The following DPP6 variants were observed in gnomAD, a reference collection of about 807,000 sequenced individuals.
The protein encoded by DPP6 is A-type potassium channel modulatory protein DPP6.
DPP6 carries 69 observed loss-of-function variants against 122.6 expected under a neutral mutation model. That is an observed-to-expected ratio of 0.56 (90% confidence interval 0.46 to 0.69). DPP6 has a LOEUF of 0.69. Among genes scored for constraint, DPP6 ranks in the 30% least tolerant of loss-of-function variants. The probability of loss-of-function intolerance (pLI) is 0.00; values close to 1 mark genes in which losing one functional copy is unlikely to be tolerated. For synonymous variants in DPP6, 418 were observed against 433.1 expected (o/e 0.97, Z 0.43); for missense variants, 928 against 1,116.9 (o/e 0.83, Z 2.41).
chr7:154,401,234 T>C (rs146997893), intron 1 of DPP6, among the ~76,000 whole-genome samples: 2 of 150,986 alleles, frequency 1.3e-5, no homozygotes, highest in Non-Finnish European at 2.9e-5. Context: ...AAAACAGGTA[T>C]TACTGGCTGC....
intron 25 of DPP6, 65 bp from the exon 26 acceptor site, chr7:154,892,269 T>C: frequency 1.2e-6 from 2 of 1,608,272 alleles, no homozygotes; most frequent in Non-Finnish European, 1.7e-6. Context: ...CCACACCTTC[T>C]GTGCGTTCCC....
At chr7:154,087,439 G>A (rs1307086734) in intron 1 of DPP6, among the ~76,000 whole-genome samples, 7 of 152,212 alleles carry the variant, frequency 4.6e-5, no homozygotes, top group Non-Finnish European at 8.8e-5. Flanking sequence ...CTGAATATGG[G>A]TTGGAGGGAG....
intron 1 of DPP6, among the ~76,000 whole-genome samples, chr7:154,407,284 C>G (rs1816197570): frequency 6.6e-6 from 1 of 152,184 alleles, no homozygotes; most frequent in Non-Finnish European, 1.5e-5. Context: ...ATGTATAACT[C>G]TTCTGCAGCT....
At chr7:154,701,940 TACAA>T (rs1840554123) in intron 7 of DPP6, among the ~76,000 whole-genome samples, 1 of 152,252 alleles carries the variant, frequency 6.6e-6, no homozygotes, top group South Asian at 2.1e-4. Context: ...TTGGGTTTTT[TACAA>T]ATTGAAGGTT....
At chr7:154,245,628 A>G (rs1252064414) in intron 1 of DPP6, among the ~76,000 whole-genome samples, 3 of 112,792 alleles carry the variant, frequency 2.7e-5, no homozygotes, top group Non-Finnish European at 5.5e-5. Flanking sequence ...CAAGAGTAAG[A>G]CTGTCTCAAA....
chr7:154,237,544 C>G (rs982712733), intron 1 of DPP6, among the ~76,000 whole-genome samples: 1 of 152,182 alleles, frequency 6.6e-6, no homozygotes, highest in South Asian at 2.1e-4. Flanking sequence ...GTTGACCTCA[C>G]CTGGGGTCTC....
Position 154,079,040 on chromosome 7 carries a change from C to T in DPP6, c.243+25977C>T, listed in dbSNP as rs145926253. On this transcript the variant is annotated intron_variant, in intron 1 of 25. Coordinates refer to ENST00000377770, the MANE Select transcript of DPP6 (RefSeq NM_130797.4). ...TTGGGAGGCCGAGGTGGGTGTATCA[C>T]GCGGTCAGGAGATGGAGACCATCCT... 6.8e-4 allele frequency among the ~76,000 whole-genome samples: 103 copies of T among 151,582 alleles called. 1 individual carries two copies. The East Asian group carries it at 0.015, about 22-fold the overall frequency.
At chr7:154,107,902 A>T (rs1289541909) in intron 1 of DPP6, among the ~76,000 whole-genome samples, 1 of 152,142 alleles carries the variant, frequency 6.6e-6, no homozygotes, top group Non-Finnish European at 1.5e-5. Context: ...CCTTCACAAA[A>T]CTGGGCTGTC....
the DPP6 span, among the ~76,000 whole-genome samples, chr7:153,762,788 AT>A: frequency 2.0e-5 from 3 of 152,058 alleles, no homozygotes; most frequent in Admixed American, 6.5e-5. Context: ...CTCAAAAAAA[AT>A]AATAATAAAA....
chr7:154,139,371 A>G (rs1159275575), intron 1 of DPP6, among the ~76,000 whole-genome samples: 1 of 124,494 alleles, frequency 8.0e-6, no homozygotes, highest in East Asian at 2.2e-4. Context: ...TCTGATGTCC[A>G]AGAGCAAGAG....
chr7:154,611,589 A>T (rs1202432414), intron 5 of DPP6, among the ~76,000 whole-genome samples: 1 of 152,110 alleles, frequency 6.6e-6, no homozygotes, highest in African/African-American at 2.4e-5. Context: ...CCAATAGAAG[A>T]TATCCTTGTT....
the DPP6 span, among the ~76,000 whole-genome samples, chr7:153,871,610 G>T: frequency 6.2e-3 from 944 of 152,286 alleles, 10 homozygotes; most frequent in East Asian, 0.026. Flanking sequence ...TGGGTGAGGC[G>T]ATGCCTTGCC....
chr7:154,031,632 C>G (rs1237489481), intron 1 of DPP6, among the ~76,000 whole-genome samples: 2 of 151,906 alleles, frequency 1.3e-5, no homozygotes, highest in Non-Finnish European at 2.9e-5. Flanking sequence ...GGCAGACACT[C>G]AAGCAACAGA....
chr7:154,558,372 C>G (rs1830191058), intron 4 of DPP6, among the ~76,000 whole-genome samples: 1 of 152,128 alleles, frequency 6.6e-6, no homozygotes, highest in Non-Finnish European at 1.5e-5. Context: ...TCCCAGAGCT[C>G]ATATATTGTC....
intron 11 of DPP6, among the ~76,000 whole-genome samples, chr7:154,794,814 G>GCCCCCCCCCCCCCCCCCCCCCCCCC (rs1554470046): frequency 6.7e-6 from 1 of 150,156 alleles, no homozygotes; most frequent in African/African-American, 2.5e-5. Flanking sequence ...CATGGGATGG[G>GCCCCCCCCCCCCCCCCCCCCCCCCC]CCCCCAGAAG....
At chr7:154,400,929 G>A (rs373374979) in intron 1 of DPP6, among the ~76,000 whole-genome samples, 2 of 152,084 alleles carry the variant, frequency 1.3e-5, no homozygotes, top group Admixed American at 1.3e-4. Flanking sequence ...CTGGCTGGGC[G>A]CAGTGGCTCA....
chr7:154,623,561 ACACGCACACACACACG>A (rs1045914984), intron 5 of DPP6, among the ~76,000 whole-genome samples: 3 of 118,596 alleles, frequency 2.5e-5, no homozygotes, highest in Non-Finnish European at 5.6e-5. Flanking sequence ...CACACACGCA[ACACGCACACACACACG>A]CACGCACACG....
chr7:153,838,320 A>C, the DPP6 span, among the ~76,000 whole-genome samples: 1 of 152,096 alleles, frequency 6.6e-6, no homozygotes, highest in Admixed American at 6.5e-5. Context: ...TGCCAAAGAG[A>C]GACAATTTCT....
At chr7:153,947,149 G>T (rs538139512) in intron 1 of DPP6, among the ~76,000 whole-genome samples, 1 of 152,162 alleles carries the variant, frequency 6.6e-6, no homozygotes, top group African/African-American at 2.4e-5. Context: ...AATGTACTTC[G>T]CTAGCAGTAG....
Sources: allele counts gnomAD v4.1 joint callset (sites outside exome capture counted in the v4.1 genomes callset), GRCh38; gene constraint gnomAD v4.1.1; transcripts MANE v1.5; gene names NCBI Gene and HGNC (gene_info 2026-07-23, HGNC 2026-07-21).